The following NCOA7 variants were observed in gnomAD, a reference collection of about 807,000 sequenced individuals.
NCOA7 encodes nuclear receptor coactivator 7.
In NCOA7, 45 loss-of-function variants were observed where a neutral mutation model predicts 104.3. The observed-to-expected ratio is 0.43, with a 90% CI of 0.34 to 0.55. The LOEUF (loss-of-function observed/expected upper bound fraction) is 0.55, where lower values mean the gene tolerates loss of function less well. Ranked by LOEUF, NCOA7 falls within the 20% of genes least tolerant of loss-of-function variation. The probability of loss-of-function intolerance (pLI) is 0.02; values close to 1 mark genes in which losing one functional copy is unlikely to be tolerated. For missense variants in NCOA7, 1,041 were observed against 1,119.7 expected, an observed-to-expected ratio of 0.93 and a Z score of 1.00; for synonymous variants, 398 against 402.3, an observed-to-expected ratio of 0.99 and a Z score of 0.13.
intron 1 of NCOA7, among the ~76,000 whole-genome samples, chr6:125,811,645 C>T (rs1777014481): frequency 6.6e-6 from 1 of 152,064 alleles, no homozygotes; most frequent in Non-Finnish European, 1.5e-5. Context: ...GGGGTTCAAA[C>T]CACAGTGTGA....
At chr6:125,805,127 G>A (rs1027056841) in intron 1 of NCOA7, among the ~76,000 whole-genome samples, 4 of 115,020 alleles carry the variant, frequency 3.5e-5, no homozygotes, top group Admixed American at 1.3e-4. Flanking sequence ...ACAGAGTCTC[G>A]CTCCGTCGCC....
At chr6:125,839,346 G>C (rs1439785482) in intron 2 of NCOA7, among the ~76,000 whole-genome samples, 1 of 152,158 alleles carries the variant, frequency 6.6e-6, no homozygotes. Flanking sequence ...TTGAACTCCT[G>C]ATTCAAGTAA....
intron 1 of NCOA7, among the ~76,000 whole-genome samples, chr6:125,799,736 C>T (rs989901815): frequency 2.6e-5 from 4 of 152,064 alleles, no homozygotes; most frequent in Non-Finnish European, 2.9e-5. Context: ...ACCGCTTTGC[C>T]GGGCCAGTTC....
At position 125,884,330 on chromosome 6, in the gene NCOA7, T is replaced by C. The variant is rs115742699; in HGVS notation, c.700-829T>C. On this transcript the variant is annotated intron_variant, in intron 7 of 15. Coordinates refer to ENST00000392477, the MANE Select transcript of NCOA7 (RefSeq NM_181782.5). ...AAACATGCAAGTGCAGATACCTGTT[T>C]GAGATATGATTTCATTTTCTTTGGA... Among the ~76,000 whole-genome samples, 640 of 152,322 alleles carry C rather than the reference T, an allele frequency of 4.2e-3. 7 individuals carry two copies. Among genetic ancestry groups the C allele is most frequent in the African/African-American group, 0.015 (621 of 41,578 alleles).
At position 125,886,734 on chromosome 6, in the gene NCOA7, A is replaced by G. The variant is rs766575548; in HGVS notation, c.884+1391A>G. ...TCTTCAGAACTTCATAAGTTGTTTA[A>G]AAGTTAAAAATTACTTAAAACATCA... On this transcript the variant is annotated intron_variant, in intron 8 of 15. Transcript: ENST00000392477. Among the ~76,000 whole-genome samples the G allele has an allele frequency of 2.8e-4, 43 of 152,264 alleles. 1 individual carries two copies. The highest frequency in any genetic ancestry group is 2.6e-4 in the Non-Finnish European group (18 of 68,052).
intron 12 of NCOA7, 85 bp downstream of exon 12, chr6:125,921,153 TA>T: frequency 1.3e-6 from 2 of 1,511,214 alleles, no homozygotes; most frequent in Non-Finnish European, 1.8e-6. Context: ...CTCATGCCTG[TA>T]ATCCTCACAC....
intron 1 of NCOA7, among the ~76,000 whole-genome samples, chr6:125,806,552 T>C (rs1776471701): frequency 6.6e-6 from 1 of 152,202 alleles, no homozygotes; most frequent in Non-Finnish European, 1.5e-5. Context: ...ATTTTCCTCT[T>C]AATAGTGATT....
At chr6:125,814,111 G>A (rs1562812088) in intron 1 of NCOA7, among the ~76,000 whole-genome samples, 1 of 152,104 alleles carries the variant, frequency 6.6e-6, no homozygotes, top group Non-Finnish European at 1.5e-5. Flanking sequence ...AAATGAATTA[G>A]TAAATAATTT....
chr6:125,831,875 G>C (rs975560594), intron 2 of NCOA7, among the ~76,000 whole-genome samples: 1 of 151,978 alleles, frequency 6.6e-6, no homozygotes, highest in African/African-American at 2.4e-5. Context: ...TTTTGCTTTC[G>C]TTTGAGCTCT....
At chr6:125,838,019 A>G (rs1162694207) in intron 2 of NCOA7, among the ~76,000 whole-genome samples, 1 of 152,190 alleles carries the variant, frequency 6.6e-6, no homozygotes, top group Non-Finnish European at 1.5e-5. Context: ...AGCCCTTCCT[A>G]GTCCTTAACT....
rs1200712445 is a variant in NCOA7 at position 125,930,038 on chromosome 6, A to G, written c.*1267A>G. 6.6e-6 allele frequency: 1 copy of G among 152,128 alleles called. No homozygotes were observed. The highest frequency in any genetic ancestry group is 1.5e-5 in the Non-Finnish European group (1 of 68,008). 9.4% of individuals were successfully genotyped at this position (152,128 alleles called of 1,614,324 possible). A position where few individuals can be genotyped will look rare whatever the true frequency, so the allele number is the denominator to read the frequency against. On this transcript the variant is annotated 3_prime_UTR_variant, in exon 16 of 16. Coordinates refer to ENST00000392477, the MANE Select transcript of NCOA7 (RefSeq NM_181782.5). ...AAACCTATTTTTAAGATATCAACCT[A>G]TTTTCACATCATAAAACATCTATTA...
chr6:125,835,652 C>A (rs963087572), intron 2 of NCOA7, among the ~76,000 whole-genome samples: 3 of 152,208 alleles, frequency 2.0e-5, no homozygotes, highest in Non-Finnish European at 4.4e-5. Flanking sequence ...AGGGATTGGA[C>A]CAACTTAGAG....
At chr6:125,828,236 T>G (rs753446695) in intron 2 of NCOA7, among the ~76,000 whole-genome samples, 3 of 152,158 alleles carry the variant, frequency 2.0e-5, no homozygotes, top group Non-Finnish European at 4.4e-5. Flanking sequence ...TCAGAAGAGA[T>G]AGAATCACTG....
chr6:125,863,644 G>A (rs906274448), intron 3 of NCOA7, among the ~76,000 whole-genome samples: 1 of 137,878 alleles, frequency 7.3e-6, no homozygotes, highest in Non-Finnish European at 1.5e-5. Flanking sequence ...CGGCCTGCTC[G>A]ATCCACAAAA....
chr6:125,928,097 G>C, intron 14 of NCOA7, 77 bp from the exon 15 acceptor site: 1 of 1,332,052 alleles, frequency 7.5e-7, no homozygotes, highest in South Asian at 1.2e-5. Context: ...TTTACATATA[G>C]ATACTATTTC....
chr6:125,819,883 A>T (rs1490824016), intron 2 of NCOA7, among the ~76,000 whole-genome samples: 1 of 152,154 alleles, frequency 6.6e-6, no homozygotes, highest in Non-Finnish European at 1.5e-5. Flanking sequence ...CTTTGAAAGC[A>T]TTTTTTCAGG....
intron 2 of NCOA7, among the ~76,000 whole-genome samples, chr6:125,818,028 C>T (rs1291842868): frequency 6.6e-6 from 1 of 151,698 alleles, no homozygotes; most frequent in African/African-American, 2.4e-5. Context: ...TCTTCCTGCT[C>T]CTCTTCCTCC....
chr6:125,909,472 T>G lies in NCOA7; in HGVS notation c.2097-5861T>G, dbSNP rs60534327. ...TGTAATTGAGTAAGTCAGGTTAACT[T>G]GTTGCAGTGAGGGAGAACACACACA... On this transcript the variant is annotated intron_variant, in intron 10 of 15. Coordinates refer to ENST00000392477, the MANE Select transcript of NCOA7 (RefSeq NM_181782.5). Among the ~76,000 whole-genome samples the G allele has an allele frequency of 2.3e-3, 352 of 152,186 alleles. 5 individuals are homozygous for G. The East Asian group carries it at 0.061, about 26-fold the overall frequency.
chr6:125,841,237 T>TTACAACTGCC (rs1246942540), intron 2 of NCOA7, among the ~76,000 whole-genome samples: 1 of 152,068 alleles, frequency 6.6e-6, no homozygotes. Flanking sequence ...TACTTACTGG[T>TTACAACTGCC]TACAACTGCC....
Sources: gnomAD v4.1 joint callset for allele counts (sites outside exome capture counted in the v4.1 genomes callset) on GRCh38, gnomAD v4.1.1 for gene constraint, MANE v1.5 for transcripts, NCBI Gene and HGNC (gene_info 2026-07-23, HGNC 2026-07-21) for gene names.